The following BRME1 variants were observed in gnomAD, a reference collection of about 807,000 sequenced individuals.
The protein encoded by BRME1 is BRCA2 and MEILB2-associating protein 1.
Under a neutral mutation model 52.6 loss-of-function variants are expected in BRME1, and 31 were observed. The observed-to-expected ratio is 0.59, with a 90% CI of 0.44 to 0.80. The LOEUF (loss-of-function observed/expected upper bound fraction) is 0.80. BRME1 is among the 30% of genes least tolerant of loss of function. The pLI, the probability that BRME1 is intolerant of heterozygous loss-of-function variation, is 0.00. For synonymous variants in BRME1, 359 were observed against 353.6 expected (o/e 1.02, Z -0.17); for missense variants, 804 against 860.3 (o/e 0.93, Z 0.82).
At position 13,883,476 on chromosome 19, in the gene BRME1, C is replaced by T. The variant is rs1216118476; in HGVS notation, c.1764-76G>A. On this transcript the variant is annotated intron_variant, in intron 7 of 8. Coordinates refer to ENST00000586783, the MANE Select transcript of BRME1 (RefSeq NM_001345843.2). This position sits in a 1 kb window ranked among gnomAD's most constrained non-coding sequence, Gnocchi z 4.2. ...AGAGCTCTCCAGTGGGAGGGGCTTC[C>T]GCAGGGCCTCGCGCCATCTTTTCCA... 13 of 1,075,128 alleles carry T rather than the reference C, an allele frequency of 1.2e-5. No individual in the cohort carries two copies. The highest frequency in any genetic ancestry group is 8.2e-5 in the South Asian group (6 of 73,492). The allele number at this position is 1,075,128 out of a possible 1,614,324, so 66.6% of individuals were successfully genotyped here.
intron 2 of BRME1, 76 bp from the exon 3 acceptor site, chr19:13,895,622 C>G: frequency 1.5e-6 from 2 of 1,341,228 alleles, no homozygotes; most frequent in Non-Finnish European, 1.0e-6. Context: ...AGGTCTCCCC[C>G]ACTACAACCA....
chr19:13,887,256 G>A (rs1054778877), intron 6 of BRME1, among the ~76,000 whole-genome samples: 3 of 152,192 alleles, frequency 2.0e-5, no homozygotes, highest in Admixed American at 6.5e-5. Context: ...CCTTCCTGCC[G>A]GGAGCCACCC....
At chr19:13,885,854 G>T in intron 7 of BRME1, 107 bp downstream of exon 7, 1 of 910,640 alleles carries the variant, frequency 1.1e-6, no homozygotes, top group Non-Finnish European at 1.7e-6. Context: ...GACTGAGGAA[G>T]TCGAGGCCCA....
intron 3 of BRME1, among the ~76,000 whole-genome samples, chr19:13,894,251 G>C (rs562223467): frequency 3.3e-5 from 5 of 152,144 alleles, no homozygotes; most frequent in African/African-American, 4.8e-5. Context: ...AGGGCCAGGC[G>C]TGGTGGCTCA....
intron 2 of BRME1, among the ~76,000 whole-genome samples, chr19:13,899,595 G>C (rs1488908602): frequency 6.6e-6 from 1 of 150,704 alleles, no homozygotes; most frequent in Non-Finnish European, 1.5e-5. Flanking sequence ...GGCAGGAACT[G>C]AGTGCAATGC....
At chr19:13,901,539 A>G (rs1383192622) in intron 2 of BRME1, among the ~76,000 whole-genome samples, 1 of 151,894 alleles carries the variant, frequency 6.6e-6, no homozygotes, top group African/African-American at 2.4e-5. Flanking sequence ...TCTCTACTAA[A>G]AATGCAAAAA....
rs1457692981 is a variant in BRME1, at chr19:13,889,185, C to T, written c.1668+3G>A. On this transcript the variant is annotated splice_donor_region_variant and intron_variant, in intron 6 of 8. Coordinates refer to ENST00000586783, the MANE Select transcript of BRME1 (RefSeq NM_001345843.2). ...TATGTCTGTCACTCAGGGCAGCTCT[C>T]ACCTGCTCAGGTGGGGCTTCGAAGT... 1 of 1,569,080 alleles carries T rather than the reference C, an allele frequency of 6.4e-7. No homozygotes were observed. Among genetic ancestry groups the T allele is most frequent in the African/African-American group, 1.4e-5 (1 of 73,864 alleles).
chr19:13,894,907 G>T (rs183925655), intron 3 of BRME1, among the ~76,000 whole-genome samples: 1 of 152,034 alleles, frequency 6.6e-6, no homozygotes, highest in East Asian at 1.9e-4. Context: ...TTTTTAGATG[G>T]AGTCTCGCTG....
chr19:13,893,105 G>T, intron 4 of BRME1, 37 bp downstream of exon 4: 1 of 1,555,310 alleles, frequency 6.4e-7, no homozygotes. Context: ...GGAGGCAGTG[G>T]TGCTTCTATA....
rs775589300 is a variant in BRME1 at position 13,890,353 on chromosome 19, T to C, written c.503A>G (p.Asp168Gly). 2.7e-5 allele frequency: 42 copies of C among 1,572,960 alleles called. 2 individuals carry two copies. In the Middle Eastern group the frequency reaches 6.8e-4, roughly 25 times the overall value. Reference protein sequence around the residue: ...ATELGDPTQADSARPEQSSQS... With the variant: ...ATELGDPTQAGSARPEQSSQS... ...GCTGCTCTGCTCAGGGCGGGCACTG[T>C]CTGCCTGCGTTGGGTCCCCCAGCTC... is the stretch of plus-strand genomic sequence containing the variant. The change falls in exon 6 of 9, where the codon GAC (aspartate) becomes GGC (glycine). Residue 168 changes from aspartate (D) to glycine (G), a missense_variant. Asp to Gly is a moderately conservative substitution (Grantham distance 94). Around this residue, in one of 3 missense-constraint regions of BRME1, gnomAD observed 234 missense variants for 258.1 expected, o/e 0.91. Coordinates refer to ENST00000586783, the MANE Select transcript of BRME1 (RefSeq NM_001345843.2).
intron 2 of BRME1, among the ~76,000 whole-genome samples, chr19:13,904,628 G>A (rs1437949843): frequency 6.6e-6 from 1 of 151,142 alleles, no homozygotes; most frequent in Non-Finnish European, 1.5e-5. Flanking sequence ...TTTTAGTAGA[G>A]ACGGGGTTTC....
chr19:13,896,474 T>C (rs1348845084), intron 2 of BRME1, among the ~76,000 whole-genome samples: 1 of 146,664 alleles, frequency 6.8e-6, no homozygotes, highest in Admixed American at 7.0e-5. Flanking sequence ...TATATTTATA[T>C]ATGATATATA....
chr19:13,890,251 G>T lies in BRME1; in HGVS notation c.605C>A (p.Ser202Tyr). Residue 202 changes from serine to tyrosine, a missense_variant, in exon 6 of 9, where the codon TCC (serine) becomes TAC (tyrosine). Around this residue, in one of 3 missense-constraint regions of BRME1, gnomAD observed 234 missense variants for 258.1 expected, o/e 0.91. Coordinates refer to ENST00000586783, the MANE Select transcript of BRME1 (RefSeq NM_001345843.2). Reference sequence around the variant, plus strand: ...GTCTTGGCTGGCCCTCTGTGAGGCGGACAACCCCGTCCCCCTGTCTGGAGG... The same window carrying T: ...GTCTTGGCTGGCCCTCTGTGAGGCGTACAACCCCGTCCCCCTGTCTGGAGG... ...DDPPDRGTGLSASQRASQDHL... is the reference protein window; with the variant it reads ...DDPPDRGTGLYASQRASQDHL... 6.2e-7 allele frequency: 1 copy of T among 1,614,086 alleles called. No individual in the cohort carries two copies. The highest frequency in any genetic ancestry group is 8.5e-7 in the Non-Finnish European group (1 of 1,179,984).
In BRME1 at chr19:13,888,794, T is replaced by A. The variant is rs1035683355; in HGVS notation, c.1668+394A>T. Among the ~76,000 whole-genome samples, 1 of 151,942 alleles carries A rather than the reference T, an allele frequency of 6.6e-6. No individual in the cohort carries two copies. Among genetic ancestry groups the A allele is most frequent in the South Asian group, 2.1e-4 (1 of 4,814 alleles). On this transcript the variant is annotated intron_variant, in intron 6 of 8. Coordinates refer to ENST00000586783, the MANE Select transcript of BRME1 (RefSeq NM_001345843.2). This position sits in a 1 kb window ranked among gnomAD's most constrained non-coding sequence, Gnocchi z 4.1. ...CTCCCCAGGCCCAGGTATAAAGCCA[T>A]CCCCAGGCCCAGCTTCTCTCCATCT...
chr19:13,901,606 T>G (rs1205245913), intron 2 of BRME1, among the ~76,000 whole-genome samples: 6 of 149,080 alleles, frequency 4.0e-5, no homozygotes, highest in Admixed American at 2.0e-4. Context: ...GGCTGAGGCA[T>G]GAGCATCACT....
Position 13,888,653 on chromosome 19 carries a change from G to A in BRME1, c.1668+535C>T, listed in dbSNP as rs915742879. Among the ~76,000 whole-genome samples, 2 of 152,238 alleles carry A rather than the reference G, an allele frequency of 1.3e-5. No individual in the cohort carries two copies. Among genetic ancestry groups the A allele is most frequent in the African/African-American group, 4.8e-5 (2 of 41,456 alleles). ...CCTGAAGGAGGCAAAGCCCTTACAC[G>A]TTCTGGCAGAAAAACAAAATGACTT... On this transcript the variant is annotated intron_variant, in intron 6 of 8. Coordinates refer to ENST00000586783, the MANE Select transcript of BRME1 (RefSeq NM_001345843.2). This position sits in a 1 kb window ranked among gnomAD's most constrained non-coding sequence, Gnocchi z 4.1.
chr19:13,898,671 C>T (rs1304289615), intron 2 of BRME1, among the ~76,000 whole-genome samples: 1 of 152,094 alleles, frequency 6.6e-6, no homozygotes, highest in African/African-American at 2.4e-5. Flanking sequence ...TGCCTGTAAT[C>T]CCAGCACTTT....
chr19:13,886,329 C>T (rs1460412288), intron 6 of BRME1, among the ~76,000 whole-genome samples: 2 of 152,236 alleles, frequency 1.3e-5, no homozygotes, highest in African/African-American at 4.8e-5. Flanking sequence ...GCCCGGGCCT[C>T]CCACAGGCTG....
intron 2 of BRME1, among the ~76,000 whole-genome samples, chr19:13,899,053 G>T (rs796610911): frequency 6.6e-6 from 1 of 151,110 alleles, no homozygotes; most frequent in African/African-American, 2.4e-5. Flanking sequence ...TTTCCTCGAC[G>T]CCAATTGCTA....
Sources: gnomAD v4.1 joint callset for allele counts (sites outside exome capture counted in the v4.1 genomes callset) on GRCh38, gnomAD v4.1.1 for gene constraint, gnomAD v4.1.1 regional missense constraint, Gnocchi (gnomAD v3.1) non-coding constraint, MANE v1.5 for transcripts, NCBI Gene and HGNC (gene_info 2026-07-23, HGNC 2026-07-21) for gene names.